The following PTPRN2 variants were observed in gnomAD, a reference collection of about 807,000 sequenced individuals.
PTPRN2 encodes receptor-type tyrosine-protein phosphatase N2.
Under a neutral mutation model 118.8 loss-of-function variants are expected in PTPRN2, and 74 were observed. The observed-to-expected ratio is 0.62, with a 90% CI of 0.52 to 0.76. PTPRN2 has a LOEUF of 0.76. Ranked by LOEUF, PTPRN2 falls within the 30% of genes least tolerant of loss-of-function variation. PTPRN2 has a pLI of 0.00. For missense variants in PTPRN2, 1,481 were observed against 1,394.4 expected, an observed-to-expected ratio of 1.06 and a Z score of -0.99; for synonymous variants, 641 against 608.0, an observed-to-expected ratio of 1.05 and a Z score of -0.80.
intron 1 of PTPRN2, among the ~76,000 whole-genome samples, chr7:158,511,679 T>A (rs1823189214): frequency 6.6e-6 from 1 of 152,198 alleles, no homozygotes; most frequent in African/African-American, 2.4e-5. Context: ...CTAAGCGTCA[T>A]GTCCCCGCAC....
At chr7:157,723,611 G>A (rs957905734) in intron 12 of PTPRN2, among the ~76,000 whole-genome samples, 8 of 152,136 alleles carry the variant, frequency 5.3e-5, no homozygotes, top group African/African-American at 1.9e-4. Flanking sequence ...CCTTGTCCCC[G>A]GAGACGCTGT....
chr7:158,012,372 A>C (rs567012023), intron 11 of PTPRN2, among the ~76,000 whole-genome samples: 1 of 152,338 alleles, frequency 6.6e-6, no homozygotes, highest in South Asian at 2.1e-4. Flanking sequence ...CAGACGGCAA[A>C]TATTTCAAAG....
At chr7:158,474,038 G>A (rs1275959933) in intron 2 of PTPRN2, among the ~76,000 whole-genome samples, 1 of 151,960 alleles carries the variant, frequency 6.6e-6, no homozygotes, top group Non-Finnish European at 1.5e-5. Context: ...TCAAGATCTC[G>A]CGCTTAGGAG....
chr7:158,167,136 A>T lies in PTPRN2; in HGVS notation c.705T>A (p.Ser235Arg). 1 of 1,613,966 alleles carries T rather than the reference A, an allele frequency of 6.2e-7. No homozygotes were observed. The highest frequency in any genetic ancestry group is 8.5e-7 in the Non-Finnish European group (1 of 1,179,978). Reference protein sequence around the residue: ...QPDELSPKVDSGVDRHHLMAA... With the variant: ...QPDELSPKVDRGVDRHHLMAA... The stretch of plus-strand genomic sequence containing the variant: ...CCATCAGATGGTGTCTGTCCACACC[A>T]CTGTCCACCTTAGGGCTGAGCTCAT... The change falls in exon 6 of 23, where the codon AGT (serine) becomes AGA (arginine). Residue 235 changes from serine to arginine, a missense_variant. Physicochemically the swap from Ser to Arg is moderately radical, Grantham distance 110 (BLOSUM62 -1). Transcript: ENST00000389418.
At chr7:158,336,652 TCA>T in intron 2 of PTPRN2, among the ~76,000 whole-genome samples, 1 of 125,436 alleles carries the variant, frequency 8.0e-6, no homozygotes, top group Admixed American at 8.5e-5. Context: ...CACCCACACG[TCA>T]CTCACACCCA....
At chr7:157,748,121 GT>G (rs1801131747) in intron 12 of PTPRN2, among the ~76,000 whole-genome samples, 3 of 148,756 alleles carry the variant, frequency 2.0e-5, no homozygotes, top group East Asian at 2.0e-4. Flanking sequence ...TCCCTGAGCT[GT>G]CTGGTGTCTG....
At chr7:158,421,565 G>A (rs1815256686) in intron 2 of PTPRN2, among the ~76,000 whole-genome samples, 1 of 152,220 alleles carries the variant, frequency 6.6e-6, no homozygotes, top group Non-Finnish European at 1.5e-5. Context: ...AGATGGCTTG[G>A]ATTAAATCTG....
chr7:157,614,510 C>G (rs557462232), intron 15 of PTPRN2, among the ~76,000 whole-genome samples: 1 of 152,302 alleles, frequency 6.6e-6, no homozygotes, highest in South Asian at 2.1e-4. Context: ...AATGATGAAT[C>G]TTGACTGCAT....
intron 11 of PTPRN2, among the ~76,000 whole-genome samples, chr7:157,904,735 T>C (rs544750857): frequency 6.6e-6 from 1 of 152,334 alleles, no homozygotes; most frequent in East Asian, 1.9e-4. Flanking sequence ...GTTCACTTTC[T>C]GGCTTTGAGA....
rs998171554 is a variant in PTPRN2, at chr7:157,964,326, G to A, written c.1724-65589C>T. On this transcript the variant is annotated intron_variant, in intron 11 of 22. Transcript: ENST00000389418. This position sits in a 1 kb window ranked among gnomAD's most constrained non-coding sequence, Gnocchi z 9.0. Reference sequence around the variant, plus strand: ...GGGCGATGTAGAGATGTGGAAGCTGGACCCCACCCCCCAGGCTAATTCATC... The same window carrying A: ...GGGCGATGTAGAGATGTGGAAGCTGAACCCCACCCCCCAGGCTAATTCATC... 5.3e-5 allele frequency among the ~76,000 whole-genome samples: 8 copies of A among 152,028 alleles called. No homozygotes were observed. The highest frequency in any genetic ancestry group is 1.9e-4 in the African/African-American group (8 of 41,390).
At chr7:157,958,168 T>C (rs536647191) in intron 11 of PTPRN2, among the ~76,000 whole-genome samples, 1 of 152,206 alleles carries the variant, frequency 6.6e-6, no homozygotes, top group Admixed American at 6.5e-5. Flanking sequence ...TCTCAACTGA[T>C]CCAGAAAAAG....
chr7:158,103,457 C>G (rs1815410946), intron 10 of PTPRN2, among the ~76,000 whole-genome samples: 1 of 152,244 alleles, frequency 6.6e-6, no homozygotes, highest in South Asian at 2.1e-4. Flanking sequence ...ACTGCACTTT[C>G]TGGACTAACG....
At position 157,874,783 on chromosome 7, in the gene PTPRN2, A is replaced by T. The variant is rs1193426327; in HGVS notation, c.1788+23890T>A. On this transcript the variant is annotated intron_variant, in intron 12 of 22. Coordinates refer to ENST00000389418, the MANE Select transcript of PTPRN2 (RefSeq NM_002847.5). This position sits in a 1 kb window ranked among gnomAD's most constrained non-coding sequence, Gnocchi z 5.8. ...CACTCATGCACACACACACGAACAC[A>T]CTCATACACATATACACACAGAGAC... Among the ~76,000 whole-genome samples the T allele has an allele frequency of 2.0e-5, 3 of 151,132 alleles. No homozygotes were observed. The highest frequency in any genetic ancestry group is 2.9e-5 in the Non-Finnish European group (2 of 67,806).
chr7:157,916,550 G>C (rs1251154345), intron 11 of PTPRN2, among the ~76,000 whole-genome samples: 1 of 152,228 alleles, frequency 6.6e-6, no homozygotes, highest in South Asian at 2.1e-4. Flanking sequence ...GCACCAAGAC[G>C]CATCATTTGC....
chr7:157,621,713 A>G (rs1000284545), intron 14 of PTPRN2, among the ~76,000 whole-genome samples: 9 of 152,246 alleles, frequency 5.9e-5, no homozygotes, highest in Admixed American at 1.3e-4. Context: ...TGCATTGTTA[A>G]CACACATTTT....
chr7:157,984,217 AC>A (rs1232787113), intron 11 of PTPRN2, among the ~76,000 whole-genome samples: 2 of 148,716 alleles, frequency 1.3e-5, no homozygotes, highest in African/African-American at 5.0e-5. Context: ...AGTCCTCTTC[AC>A]CTGAAACCAC....
chr7:158,192,001 G>A (rs916797539), intron 5 of PTPRN2, among the ~76,000 whole-genome samples: 2 of 152,176 alleles, frequency 1.3e-5, no homozygotes, highest in African/African-American at 4.8e-5. Context: ...TTCTCAAAGG[G>A]TGAAGAGCAG....
chr7:158,523,775 T>C (rs867578511), intron 1 of PTPRN2, among the ~76,000 whole-genome samples: 26 of 22,286 alleles, frequency 1.2e-3, no homozygotes, highest in East Asian at 4.8e-3. Flanking sequence ...TACCCTGGAG[T>C]GGAGTCTGCC....
chr7:158,331,535 T>A (rs1804445269), intron 2 of PTPRN2, among the ~76,000 whole-genome samples: 1 of 140,364 alleles, frequency 7.1e-6, no homozygotes, highest in Non-Finnish European at 1.5e-5. Flanking sequence ...ACCCACACTG[T>A]CACCATAAGA....
Sources: allele counts gnomAD v4.1 joint callset (sites outside exome capture counted in the v4.1 genomes callset), GRCh38; gene constraint gnomAD v4.1.1; non-coding constraint Gnocchi (gnomAD v3.1); transcripts MANE v1.5; gene names NCBI Gene and HGNC (gene_info 2026-07-23, HGNC 2026-07-21).